The following EFHD1 variants were observed in gnomAD, a reference collection of about 807,000 sequenced individuals.
The protein encoded by EFHD1 is EF-hand domain family member D1.
A neutral mutation model predicts 17.2 loss-of-function variants in EFHD1; 10 were observed. The observed-to-expected ratio is 0.58, with a 90% CI of 0.36 to 0.99. The LOEUF (loss-of-function observed/expected upper bound fraction) is 0.99, where lower values mean the gene tolerates loss of function less well. Ranked by LOEUF, EFHD1 falls within the 50% of genes least tolerant of loss-of-function variation. The pLI, the probability that EFHD1 is intolerant of heterozygous loss-of-function variation, is 0.01. For missense variants in EFHD1, 310 were observed against 327.5 expected, an observed-to-expected ratio of 0.95 and a Z score of 0.41; for synonymous variants, 153 against 142.0, an observed-to-expected ratio of 1.08 and a Z score of -0.55.
At chr2:232,668,027 C>T (rs190919554) in intron 2 of EFHD1, among the ~76,000 whole-genome samples, 3 of 152,278 alleles carry the variant, frequency 2.0e-5, no homozygotes, top group East Asian at 1.9e-4. Flanking sequence ...CCATAGCTTG[C>T]GTGTGAAAGG....
At chr2:232,638,245 G>A (rs1694355350) in intron 1 of EFHD1, 1 of 428,190 alleles carries the variant, frequency 2.3e-6, no homozygotes, top group Admixed American at 2.7e-5. Flanking sequence ...TCTTTCAAAG[G>A]GAGGCAATGA....
At chr2:232,673,587 A>G (rs1212780999) in intron 3 of EFHD1, among the ~76,000 whole-genome samples, 2 of 152,100 alleles carry the variant, frequency 1.3e-5, no homozygotes, top group African/African-American at 2.4e-5. Context: ...ATCCAGACCC[A>G]CATTGAAGAG....
chr2:232,674,277 C>A (rs960805398), intron 3 of EFHD1, among the ~76,000 whole-genome samples: 4 of 152,326 alleles, frequency 2.6e-5, no homozygotes, highest in African/African-American at 9.6e-5. Flanking sequence ...TTAGAAATAA[C>A]CAAAACTTCC....
At position 232,635,688 on chromosome 2, in the gene EFHD1, G is replaced by A. The variant is rs376810403; in HGVS notation, c.302+1682G>A. 7.2e-5 allele frequency among the ~76,000 whole-genome samples: 11 copies of A among 152,096 alleles called. No individual in the cohort carries two copies. In the East Asian group the frequency reaches 1.2e-3, roughly 16 times the overall value. ...CCAAGAATTAGCCGGGAGTGGTGGC[G>A]CGGGCCTGTAGTCCCAGCTACTCGG... On this transcript the variant is annotated intron_variant, in intron 1 of 3. Transcript: ENST00000264059.
intron 1 of EFHD1, among the ~76,000 whole-genome samples, chr2:232,607,832 G>A (rs117872829): frequency 0.01 from 1,511 of 150,992 alleles, 37 homozygotes; most frequent in East Asian, 0.079. Context: ...GGTGGCTCAC[G>A]CCTATGATCC....
chr2:232,678,681 A>T (rs1447567261), intron 3 of EFHD1, among the ~76,000 whole-genome samples: 3 of 152,090 alleles, frequency 2.0e-5, no homozygotes, highest in Non-Finnish European at 4.4e-5. Flanking sequence ...TACTCGGGAG[A>T]CTGAGGCAGG....
intron 1 of EFHD1, among the ~76,000 whole-genome samples, chr2:232,610,510 G>A (rs1298214191): frequency 6.6e-6 from 1 of 152,004 alleles, no homozygotes; most frequent in Non-Finnish European, 1.5e-5. Flanking sequence ...AGGAGGCGGA[G>A]CTTGCAATGA....
chr2:232,612,133 C>A (rs563759732), intron 1 of EFHD1, among the ~76,000 whole-genome samples: 1 of 152,170 alleles, frequency 6.6e-6, no homozygotes, highest in African/African-American at 2.4e-5. Flanking sequence ...ACTACAGGCA[C>A]CTGCCACTGT....
Position 232,682,710 on chromosome 2 carries a change from C to T in EFHD1, c.*991C>T, listed in dbSNP as rs909585954. 7 of 152,148 alleles carry T rather than the reference C, an allele frequency of 4.6e-5. No homozygotes were observed. Among genetic ancestry groups the T allele is most frequent in the African/African-American group, 1.7e-4 (7 of 41,434 alleles). 9.4% of individuals were successfully genotyped at this position (152,148 alleles called of 1,614,324 possible). A position where few individuals can be genotyped will look rare whatever the true frequency, so the allele number is the denominator to read the frequency against. On this transcript the variant is annotated 3_prime_UTR_variant, in exon 4 of 4. Coordinates refer to ENST00000264059, the MANE Select transcript of EFHD1 (RefSeq NM_025202.4). ...TTTGTTGTATTTTTAACAAATATAT[C>T]CTAATGTCATATTTATTCTCTTTTG...
At chr2:232,661,848 A>G (rs564184814) in intron 1 of EFHD1, 2 of 152,334 alleles carry the variant, frequency 1.3e-5, no homozygotes, top group Non-Finnish European at 2.9e-5. Context: ...GGCATGAGCC[A>G]CCACGCCTGG....
intron 1 of EFHD1, among the ~76,000 whole-genome samples, chr2:232,639,434 A>C (rs1393841031): frequency 6.7e-6 from 1 of 149,514 alleles, no homozygotes; most frequent in East Asian, 2.0e-4. Flanking sequence ...GGCTCAGGTG[A>C]TTCTCTTGTC....
chr2:232,616,427 T>C (rs1301379937), intron 1 of EFHD1, among the ~76,000 whole-genome samples: 1 of 152,042 alleles, frequency 6.6e-6, no homozygotes, highest in Non-Finnish European at 1.5e-5. Flanking sequence ...GCCTCCTGAG[T>C]AGCTGGGATT....
Position 232,673,295 on chromosome 2 carries a change from TATG to T in EFHD1, c.585+856_585+858del, listed in dbSNP as rs1695113083. Among the ~76,000 whole-genome samples the T allele has an allele frequency of 3.3e-5, 5 of 152,172 alleles. No homozygotes were observed. The South Asian group carries it at 1.0e-3, about 32-fold the overall frequency. On this transcript the variant is annotated intron_variant, in intron 3 of 3. Transcript: ENST00000264059. ...TTGAGTATATAACATGCAGATGTCT[TATG>T]ATGCTTTGGGAGAGGTGCTAGGGTT... is the stretch of plus-strand genomic sequence containing the variant.
intron 1 of EFHD1, among the ~76,000 whole-genome samples, chr2:232,639,617 T>C (rs187559672): frequency 7.9e-5 from 12 of 152,278 alleles, no homozygotes; most frequent in Non-Finnish European, 1.6e-4. Flanking sequence ...CTGCAGGGTG[T>C]TTGATTGGCA....
chr2:232,639,386 A>C (rs1694381937), intron 1 of EFHD1, among the ~76,000 whole-genome samples: 1 of 150,860 alleles, frequency 6.6e-6, no homozygotes, highest in Non-Finnish European at 1.5e-5. Flanking sequence ...CTCAAGACAG[A>C]GTCTTGCCAT....
At chr2:232,679,866 A>T (rs761696733) in intron 3 of EFHD1, among the ~76,000 whole-genome samples, 1 of 152,200 alleles carries the variant, frequency 6.6e-6, no homozygotes, top group Non-Finnish European at 1.5e-5. Context: ...AAAAGTAAAA[A>T]CATTAATGAT....
At chr2:232,637,601 C>T (rs1453485201) in intron 1 of EFHD1, among the ~76,000 whole-genome samples, 1 of 152,116 alleles carries the variant, frequency 6.6e-6, no homozygotes, top group Non-Finnish European at 1.5e-5. Flanking sequence ...GCCTCAGCCT[C>T]CCAAAACGCT....
At chr2:232,678,372 T>A (rs1277809517) in intron 3 of EFHD1, among the ~76,000 whole-genome samples, 1 of 152,180 alleles carries the variant, frequency 6.6e-6, no homozygotes, top group Non-Finnish European at 1.5e-5. Flanking sequence ...AATGTTGCGA[T>A]CATAGGTTAT....
intron 1 of EFHD1, among the ~76,000 whole-genome samples, chr2:232,610,007 C>G (rs1398349343): frequency 6.6e-6 from 1 of 152,164 alleles, no homozygotes; most frequent in African/African-American, 2.4e-5. Flanking sequence ...GGCTCCTTCT[C>G]CAACCCTCAC....
Sources: allele counts gnomAD v4.1 joint callset (sites outside exome capture counted in the v4.1 genomes callset), GRCh38; gene constraint gnomAD v4.1.1; transcripts MANE v1.5; gene names NCBI Gene and HGNC (gene_info 2026-07-23, HGNC 2026-07-21).